The following CTNNA2 variants were observed in gnomAD, a reference collection of about 807,000 sequenced individuals.
CTNNA2 encodes the protein catenin alpha 2.
CTNNA2 carries 42 observed loss-of-function variants against 101.0 expected under a neutral mutation model. The ratio of observed to expected loss-of-function variants is 0.42; its 90% confidence interval spans 0.32 to 0.54. CTNNA2 has a LOEUF of 0.54. CTNNA2 is among the 20% of genes least tolerant of loss of function. The pLI is 0.14. For missense variants in CTNNA2, 871 were observed against 1,223.1 expected, an observed-to-expected ratio of 0.71 and a Z score of 4.29; for synonymous variants, 450 against 456.4, an observed-to-expected ratio of 0.99 and a Z score of 0.18.
chr2:79,905,636 G>T lies in CTNNA2; in HGVS notation c.853-3958G>T, dbSNP rs111380942. ...TGATGATGATGATGATGGTGATGAT[G>T]GTGGTGGTGGTGATTTGGTGCCCCT... is the stretch of plus-strand genomic sequence containing the variant. On this transcript the variant is annotated intron_variant, in intron 6 of 18. Coordinates refer to ENST00000402739, the MANE Select transcript of CTNNA2 (RefSeq NM_001282597.3). 2.8e-3 allele frequency among the ~76,000 whole-genome samples: 423 copies of T among 152,154 alleles called. 2 individuals are homozygous for T. Among genetic ancestry groups the T allele is most frequent in the African/African-American group, 9.9e-3 (411 of 41,504 alleles).
At chr2:80,144,211 TCCA>T (rs1390039304) in intron 7 of CTNNA2, among the ~76,000 whole-genome samples, 1 of 152,052 alleles carries the variant, frequency 6.6e-6, no homozygotes, top group Non-Finnish European at 1.5e-5. Context: ...TACAGTCCTA[TCCA>T]CATAGAAAAT....
intron 1 of CTNNA2, among the ~76,000 whole-genome samples, chr2:79,612,462 A>G (rs1215046483): frequency 6.6e-6 from 1 of 152,202 alleles, no homozygotes; most frequent in Non-Finnish European, 1.5e-5. Context: ...CCTGCTTTAT[A>G]GAATCCTCCC....
At chr2:79,755,164 AAAAAT>A (rs1370239912) in intron 3 of CTNNA2, among the ~76,000 whole-genome samples, 2 of 152,044 alleles carry the variant, frequency 1.3e-5, no homozygotes, top group Non-Finnish European at 2.9e-5. Context: ...CATCTCTACA[AAAAAT>A]AAAATAAAAT....
At chr2:80,602,326 A>G (rs1258099701) in intron 15 of CTNNA2, among the ~76,000 whole-genome samples, 2 of 152,084 alleles carry the variant, frequency 1.3e-5, no homozygotes, top group Non-Finnish European at 2.9e-5. Flanking sequence ...CTATATAGAC[A>G]TTCTTCATTA....
At chr2:80,639,173 C>T (rs1362255745) in intron 18 of CTNNA2, among the ~76,000 whole-genome samples, 1 of 152,100 alleles carries the variant, frequency 6.6e-6, no homozygotes, top group Admixed American at 6.6e-5. Flanking sequence ...TTTCACTTAT[C>T]AGGGATCAGT....
chr2:79,480,167 G>T (rs1421869440), intron 4 of CTNNA2, among the ~76,000 whole-genome samples: 1 of 151,890 alleles, frequency 6.6e-6, no homozygotes. Context: ...CAGCTCTCTG[G>T]GGAACTCTCT....
intron 4 of CTNNA2, among the ~76,000 whole-genome samples, chr2:79,488,802 T>C (rs1671182221): frequency 6.6e-6 from 1 of 152,144 alleles, no homozygotes; most frequent in Admixed American, 6.5e-5. Flanking sequence ...CCAGCCCTCC[T>C]CAGAAAGCCT....
chr2:80,568,126 G>A (rs1454701985), intron 12 of CTNNA2, among the ~76,000 whole-genome samples: 2 of 152,158 alleles, frequency 1.3e-5, no homozygotes, highest in African/African-American at 4.8e-5. Flanking sequence ...TCCTTCTGAA[G>A]AAGCAGAGTC....
chr2:79,920,090 G>T (rs1686548743), intron 7 of CTNNA2, among the ~76,000 whole-genome samples: 1 of 152,170 alleles, frequency 6.6e-6, no homozygotes, highest in African/African-American at 2.4e-5. Context: ...GGTGGCGCAT[G>T]CCTGTAATCC....
chr2:80,502,279 A>G (rs1284923213), intron 9 of CTNNA2, among the ~76,000 whole-genome samples: 1 of 152,192 alleles, frequency 6.6e-6, no homozygotes, highest in African/African-American at 2.4e-5. Flanking sequence ...TTTCAAGCTT[A>G]CTTCTCTGCA....
chr2:79,973,536 G>A (rs114558045), intron 7 of CTNNA2, among the ~76,000 whole-genome samples: 2 of 152,154 alleles, frequency 1.3e-5, no homozygotes, highest in Non-Finnish European at 2.9e-5. Flanking sequence ...ATTGAAGCCT[G>A]TTAACAGGAG....
upstream of CTNNA2, among the ~76,000 whole-genome samples, chr2:79,510,384 T>C (rs905172151): frequency 2.6e-5 from 4 of 152,132 alleles, no homozygotes; most frequent in African/African-American, 4.8e-5. Flanking sequence ...TAGTTTACAA[T>C]GGGGACAAAC....
At chr2:79,764,258 G>T (rs956751502) in intron 3 of CTNNA2, among the ~76,000 whole-genome samples, 2 of 152,146 alleles carry the variant, frequency 1.3e-5, no homozygotes, top group African/African-American at 4.8e-5. Flanking sequence ...TCATATTAAA[G>T]AATGTTCTCT....
At chr2:79,712,258 G>T (rs1421579801) in intron 2 of CTNNA2, among the ~76,000 whole-genome samples, 1 of 152,114 alleles carries the variant, frequency 6.6e-6, no homozygotes, top group Non-Finnish European at 1.5e-5. Flanking sequence ...AAAGATTTAT[G>T]TTCAGCTCCT....
intron 3 of CTNNA2, among the ~76,000 whole-genome samples, chr2:79,839,003 A>G (rs899798411): frequency 1.3e-5 from 2 of 152,028 alleles, no homozygotes; most frequent in Admixed American, 6.5e-5. Flanking sequence ...TGCCAGCTAT[A>G]AACTGGGCAA....
At chr2:80,527,265 TC>T (rs1427551459) in intron 9 of CTNNA2, among the ~76,000 whole-genome samples, 7 of 152,202 alleles carry the variant, frequency 4.6e-5, no homozygotes, top group African/African-American at 1.7e-4. Context: ...ATGGGGGAAT[TC>T]CTGTTGGCTG....
intron 7 of CTNNA2, among the ~76,000 whole-genome samples, chr2:79,940,877 C>T (rs1227278647): frequency 2.0e-5 from 3 of 152,146 alleles, no homozygotes; most frequent in South Asian, 4.1e-4. Context: ...TGTATGGCTA[C>T]TCAAAAATCG....
At chr2:80,473,518 A>G (rs1296431088) in intron 9 of CTNNA2, among the ~76,000 whole-genome samples, 5 of 152,216 alleles carry the variant, frequency 3.3e-5, no homozygotes, top group African/African-American at 1.2e-4. Context: ...TTTATAAAAT[A>G]CAGGCACTTA....
intron 7 of CTNNA2, among the ~76,000 whole-genome samples, chr2:80,319,953 G>A (rs1164610053): frequency 1.3e-5 from 2 of 152,146 alleles, no homozygotes; most frequent in African/African-American, 4.8e-5. Context: ...ACTATTTTGG[G>A]AGCAGATAAG....
Sources: allele counts gnomAD v4.1 joint callset (sites outside exome capture counted in the v4.1 genomes callset), GRCh38; gene constraint gnomAD v4.1.1; transcripts MANE v1.5; gene names NCBI Gene and HGNC (gene_info 2026-07-23, HGNC 2026-07-21).